Variants in MEIS2 observed in about 807,000 individuals in gnomAD.
MEIS2 encodes the protein homeobox protein Meis2.
A neutral mutation model predicts 58.6 loss-of-function variants in MEIS2; 9 were observed. The observed-to-expected ratio is 0.15, with a 90% CI of 0.09 to 0.27. The LOEUF (loss-of-function observed/expected upper bound fraction) is 0.27. Ranked by LOEUF, MEIS2 falls within the 10% of genes least tolerant of loss-of-function variation. The pLI, the probability that MEIS2 is intolerant of heterozygous loss-of-function variation, is 1.00. For missense variants in MEIS2, 427 were observed against 635.0 expected, an observed-to-expected ratio of 0.67 and a Z score of 3.52; for synonymous variants, 221 against 228.4, an observed-to-expected ratio of 0.97 and a Z score of 0.29.
chr15:37,018,487 G>A (rs1479618409), intron 8 of MEIS2, among the ~76,000 whole-genome samples: 3 of 152,142 alleles, frequency 2.0e-5, no homozygotes, highest in Non-Finnish European at 4.4e-5. Flanking sequence ...AGTAGTGTTG[G>A]TTTTTGTGGA....
intron 8 of MEIS2, among the ~76,000 whole-genome samples, chr15:37,028,822 A>G (rs1000209589): frequency 2.0e-5 from 3 of 152,212 alleles, no homozygotes; most frequent in Admixed American, 2.0e-4. Flanking sequence ...TCCCATCCCA[A>G]TAAGGACATG....
intron 7 of MEIS2, among the ~76,000 whole-genome samples, chr15:37,054,504 C>T (rs2063051474): frequency 6.6e-6 from 1 of 152,214 alleles, no homozygotes; most frequent in Admixed American, 6.5e-5. Flanking sequence ...ACAGCCTCAA[C>T]TTCCCAGGCT....
At chr15:37,015,498 GGCCACCGATCAC>G (rs2061319846) in intron 8 of MEIS2, among the ~76,000 whole-genome samples, 1 of 146,608 alleles carries the variant, frequency 6.8e-6, no homozygotes, top group African/African-American at 2.5e-5. Flanking sequence ...ACACTTCTAA[GGCCACCGATCAC>G]TGTATCATGC....
Position 36,892,347 on chromosome 15 carries a change from T to A in MEIS2, c.1260A>T (p.Arg420Ser). The A allele has an allele frequency of 6.2e-7, 1 of 1,613,852 alleles. No homozygotes were observed. Among genetic ancestry groups the A allele is most frequent in the South Asian group, 1.1e-5 (1 of 91,046 alleles). The change falls in exon 12 of 12, where the codon AGA becomes AGT. Residue 420 changes from arginine to serine, a missense_variant. This residue lies in a region of MEIS2 where 154 missense variants were observed against 148.1 expected (regional missense o/e 1.04). Coordinates refer to ENST00000561208, the MANE Select transcript of MEIS2 (RefSeq NM_170675.5). ...PQMTPHPTQL[R>S]HGPPMHSYLP... ...AATATGAATGCATTGGGGGTCCATG[T>A]CTTAATTGAGTAGGGTGTGGGGTCA...
At chr15:36,901,296 T>C (rs1047605507) in intron 9 of MEIS2, 1 of 152,220 alleles carries the variant, frequency 6.6e-6, no homozygotes, top group Non-Finnish European at 1.5e-5. Flanking sequence ...ACTTATCAAA[T>C]TTCTCCATGT....
intron 6 of MEIS2, among the ~76,000 whole-genome samples, chr15:37,085,139 A>G (rs1008404558): frequency 3.9e-5 from 6 of 152,254 alleles, no homozygotes; most frequent in Non-Finnish European, 7.3e-5. Context: ...CACCAATCAA[A>G]GTATACAAAG....
chr15:36,948,493 T>A (rs1241522933), intron 9 of MEIS2, among the ~76,000 whole-genome samples: 1 of 151,972 alleles, frequency 6.6e-6, no homozygotes, highest in Non-Finnish European at 1.5e-5. Context: ...AAGAACAAGA[T>A]CAAATATCAA....
intron 8 of MEIS2, among the ~76,000 whole-genome samples, chr15:36,969,315 T>C (rs936159111): frequency 5.3e-5 from 8 of 152,202 alleles, no homozygotes; most frequent in Non-Finnish European, 1.0e-4. Context: ...CCTGTTTTTG[T>C]CTCTTCAGAA....
chr15:37,072,175 A>C (rs919573752), intron 7 of MEIS2, among the ~76,000 whole-genome samples: 2 of 152,092 alleles, frequency 1.3e-5, no homozygotes, highest in Admixed American at 6.6e-5. Flanking sequence ...TCCACATTCT[A>C]CAAGAGTTAT....
chr15:37,020,447 CA>C (rs2061487248), intron 8 of MEIS2, among the ~76,000 whole-genome samples: 1 of 152,176 alleles, frequency 6.6e-6, no homozygotes, highest in Non-Finnish European at 1.5e-5. Flanking sequence ...TACACATAAT[CA>C]AAATAAGAAC....
chr15:37,075,735 G>A (rs932762613), intron 7 of MEIS2, among the ~76,000 whole-genome samples: 3 of 151,964 alleles, frequency 2.0e-5, no homozygotes, highest in Admixed American at 6.6e-5. Context: ...TGTTATAATA[G>A]AGGTAAAAAG....
chr15:37,034,995 G>C (rs796247818), intron 8 of MEIS2, among the ~76,000 whole-genome samples: 1 of 152,094 alleles, frequency 6.6e-6, no homozygotes, highest in Non-Finnish European at 1.5e-5. Context: ...CTCTGACATT[G>C]GTTTTGATGA....
intron 8 of MEIS2, among the ~76,000 whole-genome samples, chr15:37,023,739 G>A (rs919050470): frequency 6.6e-6 from 1 of 151,978 alleles, no homozygotes; most frequent in Admixed American, 6.6e-5. Context: ...CTGCATTTCC[G>A]TGCCTTCCTA....
intron 9 of MEIS2, among the ~76,000 whole-genome samples, chr15:36,903,294 C>G (rs751229003): frequency 2.6e-5 from 4 of 152,152 alleles, no homozygotes; most frequent in Admixed American, 6.5e-5. Flanking sequence ...TAAAAGTGAT[C>G]TTTCAAAGCT....
intron 8 of MEIS2, among the ~76,000 whole-genome samples, chr15:36,962,596 T>C (rs1167133647): frequency 2.0e-5 from 3 of 152,196 alleles, no homozygotes; most frequent in African/African-American, 7.2e-5. Flanking sequence ...ATTTTCAATA[T>C]GCAATTGGTT....
intron 8 of MEIS2, among the ~76,000 whole-genome samples, chr15:37,010,335 T>C (rs1452542424): frequency 6.6e-6 from 1 of 151,916 alleles, no homozygotes; most frequent in Non-Finnish European, 1.5e-5. Flanking sequence ...GATCCGCCCA[T>C]CTTGGCCTCC....
chr15:37,017,205 G>T (rs897702068), intron 8 of MEIS2, among the ~76,000 whole-genome samples: 1 of 152,066 alleles, frequency 6.6e-6, no homozygotes, highest in African/African-American at 2.4e-5. Flanking sequence ...CACATAGGAG[G>T]TTAAAAAAAT....
rs114803382 is a variant in MEIS2 at position 37,084,289 on chromosome 15, C to T, written c.640-404G>A. Among the ~76,000 whole-genome samples the T allele has an allele frequency of 1.8e-3, 280 of 152,232 alleles. 2 individuals are homozygous for T. The highest frequency in any genetic ancestry group is 5.1e-3 in the Admixed American group (78 of 15,280). On this transcript the variant is annotated intron_variant, in intron 6 of 11. Coordinates refer to ENST00000561208, the MANE Select transcript of MEIS2 (RefSeq NM_170675.5). ...CTACTAAGAAATAGGTCCCGATGCT[C>T]TTGGACACTCAATACTTCAGAACAT...
At chr15:37,096,062 G>C in intron 3 of MEIS2, 1 of 505,760 alleles carries the variant, frequency 2.0e-6, no homozygotes, top group South Asian at 3.2e-5. Context: ...ACTTTAATTC[G>C]AGGGTCGACC....
Sources: gnomAD v4.1 joint callset for allele counts (sites outside exome capture counted in the v4.1 genomes callset) on GRCh38, gnomAD v4.1.1 for gene constraint, gnomAD v4.1.1 regional missense constraint, MANE v1.5 for transcripts, NCBI Gene and HGNC (gene_info 2026-07-23, HGNC 2026-07-21) for gene names.